ATP2C2: variants seen among roughly 807,000 people sequenced by gnomAD.
ATP2C2 encodes calcium-transporting ATPase type 2C member 2.
ATP2C2 carries 171 observed loss-of-function variants against 110.8 expected under a neutral mutation model. The observed-to-expected ratio is 1.54, with a 90% confidence interval of 1.36 to 1.75. The LOEUF is 1.75. Among genes scored for constraint, ATP2C2 ranks in the 40% most tolerant of loss-of-function variants. The pLI is 0.00. For synonymous variants in ATP2C2, 804 were observed against 508.4 expected, an observed-to-expected ratio of 1.58 and a Z score of -7.82; for missense variants, 1,963 against 1,235.0, an observed-to-expected ratio of 1.59 and a Z score of -8.84.
At chr16:84,401,075 T>C (rs1905287592) in intron 2 of ATP2C2, among the ~76,000 whole-genome samples, 1 of 152,222 alleles carries the variant, frequency 6.6e-6, no homozygotes. Context: ...TAACTTGATG[T>C]GATTCCATTT....
intron 6 of ATP2C2, among the ~76,000 whole-genome samples, chr16:84,413,435 G>C (rs1407020227): frequency 6.6e-6 from 1 of 152,124 alleles, no homozygotes. Flanking sequence ...CATCACAGAG[G>C]GTGAGTCAAT....
intron 1 of ATP2C2, among the ~76,000 whole-genome samples, chr16:84,376,779 A>G (rs1910274580): frequency 6.6e-6 from 1 of 152,186 alleles, no homozygotes; most frequent in Non-Finnish European, 1.5e-5. Flanking sequence ...ATTCAGATCC[A>G]ATGATTACGC....
intron 20 of ATP2C2, 113 bp downstream of exon 20, chr16:84,453,484 C>T (rs1013385485): frequency 3.6e-6 from 5 of 1,405,980 alleles, no homozygotes; most frequent in African/African-American, 2.8e-5. Context: ...ACCGTGGCTT[C>T]CTTCTCTAGG....
chr16:84,368,651 ACT>A lies in ATP2C2; in HGVS notation c.38_39del (p.Leu13ArgfsTer22). On this transcript the variant is annotated frameshift_variant, in exon 1 of 27. Coordinates refer to ENST00000262429, the MANE Select transcript of ATP2C2 (RefSeq NM_014861.4). LOFTEE classifies it high-confidence loss of function. ...EGRVSEFLKK[L>X]GFSGGGRQYQ... ...GACGCGTCTCCGAGTTCCTGAAGAAACTCGGCTTCTCGGGCGGGGGCCGCCAG... is the reference window on the plus strand; with the variant it reads ...GACGCGTCTCCGAGTTCCTGAAGAAACGGCTTCTCGGGCGGGGGCCGCCAG... 1 of 1,563,612 alleles carries A rather than the reference ACT, an allele frequency of 6.4e-7. No individual in the cohort carries two copies. The highest frequency in any genetic ancestry group is 2.5e-5 in the East Asian group (1 of 40,032).
intron 1 of ATP2C2, among the ~76,000 whole-genome samples, chr16:84,392,959 G>A (rs913160371): frequency 2.6e-5 from 4 of 152,312 alleles, no homozygotes; most frequent in East Asian, 1.9e-4. Context: ...GCCTGACAGC[G>A]TAGGTGCATC....
At chr16:84,375,725 T>A (rs1326831101) in intron 1 of ATP2C2, among the ~76,000 whole-genome samples, 1 of 152,230 alleles carries the variant, frequency 6.6e-6, no homozygotes, top group African/African-American at 2.4e-5. Flanking sequence ...TTTTACAATG[T>A]GCAGAGAATA....
intron 11 of ATP2C2, among the ~76,000 whole-genome samples, chr16:84,427,295 T>C (rs1358980822): frequency 6.6e-6 from 1 of 152,180 alleles, no homozygotes; most frequent in Non-Finnish European, 1.5e-5. Flanking sequence ...CAGTGGAATA[T>C]TTTTCAGCCA....
intron 1 of ATP2C2, among the ~76,000 whole-genome samples, chr16:84,374,636 G>A (rs899502193): frequency 6.6e-6 from 1 of 152,088 alleles, no homozygotes; most frequent in Admixed American, 6.6e-5. Context: ...GTTGCTGCTT[G>A]GTGGCCATCA....
At chr16:84,446,170 G>A (rs1304522084) in intron 15 of ATP2C2, among the ~76,000 whole-genome samples, 159 bp from the exon 16 acceptor site, 3 of 151,236 alleles carry the variant, frequency 2.0e-5, no homozygotes, top group Non-Finnish European at 4.4e-5. Context: ...TTTCTAGGTG[G>A]GACATTCCAA....
At chr16:84,393,889 C>T (rs1358379367) in intron 1 of ATP2C2, among the ~76,000 whole-genome samples, 1 of 151,884 alleles carries the variant, frequency 6.6e-6, no homozygotes, top group Non-Finnish European at 1.5e-5. Context: ...GGCATGGTGG[C>T]TCACACCTGT....
chr16:84,446,650 A>T (rs1909779859), intron 16 of ATP2C2, among the ~76,000 whole-genome samples: 1 of 152,176 alleles, frequency 6.6e-6, no homozygotes, highest in African/African-American at 2.4e-5. Flanking sequence ...GGGTCCCTGG[A>T]GTAGCAGCGG....
chr16:84,462,176 G>A, intron 26 of ATP2C2, 47 bp downstream of exon 26: 4 of 1,582,242 alleles, frequency 2.5e-6, no homozygotes, highest in South Asian at 2.3e-5. Context: ...CCAGGGCCAT[G>A]GGGGGCGGCA....
At position 84,460,494 on chromosome 16, in the gene ATP2C2, G is replaced by A. The variant is rs573670032; in HGVS notation, c.2334-160G>A. The stretch of plus-strand genomic sequence containing the variant: ...GACCCAGGCTCTGGGGCTTCTGGAA[G>A]GTGCCGAGGAGGGCAGGTGCGATGC... On this transcript the variant is annotated intron_variant, in intron 23 of 26. Coordinates refer to ENST00000262429, the MANE Select transcript of ATP2C2 (RefSeq NM_014861.4). 4 of 944,070 alleles carry A rather than the reference G, an allele frequency of 4.2e-6. No homozygotes were observed. The African/African-American group carries it at 6.4e-5, about 15-fold the overall frequency. 58.5% of individuals were successfully genotyped at this position (944,070 alleles called of 1,614,324 possible).
chr16:84,463,311 G>A (rs943784079), intron 26 of ATP2C2, among the ~76,000 whole-genome samples: 1 of 152,140 alleles, frequency 6.6e-6, no homozygotes, highest in African/African-American at 2.4e-5. Context: ...TGGGACAGCT[G>A]CTGTAGGGAA....
At chr16:84,451,409 G>A (rs930872182) in intron 17 of ATP2C2, among the ~76,000 whole-genome samples, 3 of 152,192 alleles carry the variant, frequency 2.0e-5, no homozygotes, top group Non-Finnish European at 2.9e-5. Context: ...AGCTGTTTCT[G>A]GCTTCCTTCT....
At chr16:84,453,000 G>A (rs928887325) in intron 18 of ATP2C2, 138 bp from the exon 19 acceptor site, 8 of 811,832 alleles carry the variant, frequency 9.9e-6, no homozygotes, top group South Asian at 3.5e-5. Context: ...AACCGAGGCC[G>A]TGCAGCATGG....
chr16:84,454,084 G>A (rs552459389), intron 20 of ATP2C2, among the ~76,000 whole-genome samples: 5 of 152,228 alleles, frequency 3.3e-5, no homozygotes, highest in Admixed American at 6.5e-5. Context: ...CAGGTGATCC[G>A]CCTATCTTCG....
chr16:84,403,653 C>T (rs1246748704), intron 2 of ATP2C2, among the ~76,000 whole-genome samples: 1 of 152,086 alleles, frequency 6.6e-6, no homozygotes, highest in Admixed American at 6.5e-5. Flanking sequence ...AGTATAGTCA[C>T]ACTGTTGCAC....
intron 23 of ATP2C2, chr16:84,460,083 A>G (rs1911130731): frequency 5.0e-6 from 1 of 198,572 alleles, no homozygotes; most frequent in Non-Finnish European, 1.0e-5. Context: ...TGCCAAGGGA[A>G]AGAGAGTCCT....
Sources: allele counts gnomAD v4.1 joint callset (sites outside exome capture counted in the v4.1 genomes callset), GRCh38; gene constraint gnomAD v4.1.1; transcripts MANE v1.5; gene names NCBI Gene and HGNC (gene_info 2026-07-23, HGNC 2026-07-21).